DSCAM: variants seen among roughly 807,000 people sequenced by gnomAD.
The protein encoded by DSCAM is DS cell adhesion molecule, also known as cell adhesion molecule DSCAM.
In DSCAM, 47 loss-of-function variants were observed where a neutral mutation model predicts 217.7. The ratio of observed to expected loss-of-function variants is 0.22; its 90% CI spans 0.17 to 0.28. The LOEUF (loss-of-function observed/expected upper bound fraction) is 0.28. Ranked by LOEUF, DSCAM falls within the 10% of genes least tolerant of loss-of-function variation. DSCAM has a pLI of 1.00. For missense variants in DSCAM, 2,080 were observed against 2,618.3 expected (o/e 0.79, Z 4.49); for synonymous variants, 1,056 against 1,015.3 (o/e 1.04, Z -0.76).
chr21:40,385,110 A>G (rs2075069908), intron 3 of DSCAM: 1 of 152,096 alleles, frequency 6.6e-6, no homozygotes, highest in South Asian at 2.1e-4. Flanking sequence ...ACTCCCACAC[A>G]TAGCTGTGAC....
At chr21:40,104,797 C>A (rs1043338703) in intron 20 of DSCAM, among the ~76,000 whole-genome samples, 3 of 152,166 alleles carry the variant, frequency 2.0e-5, no homozygotes, top group Non-Finnish European at 4.4e-5. Context: ...GCAGTAGGGG[C>A]AGGGGCATTT....
intron 3 of DSCAM, among the ~76,000 whole-genome samples, chr21:40,387,221 A>G (rs981310826): frequency 2.0e-5 from 3 of 152,190 alleles, no homozygotes; most frequent in Non-Finnish European, 4.4e-5. Flanking sequence ...GATACTACCT[A>G]TAATTTCCCT....
intron 11 of DSCAM, among the ~76,000 whole-genome samples, chr21:40,257,115 A>G (rs1240567592): frequency 6.6e-6 from 1 of 152,220 alleles, no homozygotes; most frequent in Non-Finnish European, 1.5e-5. Flanking sequence ...AAGAGAGGAA[A>G]GAAAACAAAG....
At chr21:40,052,939 T>C (rs1381692653) in intron 29 of DSCAM, among the ~76,000 whole-genome samples, 2 of 152,186 alleles carry the variant, frequency 1.3e-5, no homozygotes, top group Admixed American at 1.3e-4. Flanking sequence ...TTCATACTTT[T>C]TAAAAAGCTT....
intron 11 of DSCAM, among the ~76,000 whole-genome samples, chr21:40,234,500 T>C (rs540478154): frequency 8.5e-5 from 13 of 152,246 alleles, no homozygotes; most frequent in African/African-American, 2.7e-4. Context: ...TTGGTAATGT[T>C]GAGTCAAGAT....
chr21:40,273,671 T>A (rs2073649426), intron 11 of DSCAM, among the ~76,000 whole-genome samples: 1 of 152,224 alleles, frequency 6.6e-6, no homozygotes, highest in African/African-American at 2.4e-5. Context: ...TGTAACAAAG[T>A]GCCATACATT....
chr21:40,575,046 G>C (rs1352817920), intron 3 of DSCAM, among the ~76,000 whole-genome samples: 1 of 152,108 alleles, frequency 6.6e-6, no homozygotes, highest in African/African-American at 2.4e-5. Flanking sequence ...AGTTACTGAA[G>C]AATCACAAAA....
At chr21:40,577,923 G>C (rs924598273) in intron 3 of DSCAM, among the ~76,000 whole-genome samples, 35 of 152,148 alleles carry the variant, frequency 2.3e-4, no homozygotes, top group African/African-American at 8.0e-4. Context: ...GATGTGCTGG[G>C]AGTCAGCTTG....
chr21:40,515,068 C>T (rs1475855898), intron 3 of DSCAM, among the ~76,000 whole-genome samples: 1 of 152,198 alleles, frequency 6.6e-6, no homozygotes, highest in Admixed American at 6.5e-5. Flanking sequence ...GTAAAGGCTA[C>T]TTCTTATTTC....
chr21:40,342,776 A>T (rs796303907), intron 6 of DSCAM, among the ~76,000 whole-genome samples: 167 of 111,054 alleles, frequency 1.5e-3, no homozygotes, highest in African/African-American at 6.0e-3. Context: ...TTGTAGAGAC[A>T]AAGTTTTGCC....
intron 1 of DSCAM, among the ~76,000 whole-genome samples, chr21:40,808,058 C>A (rs13046021): frequency 6.6e-6 from 1 of 152,066 alleles, no homozygotes; most frequent in Non-Finnish European, 1.5e-5. Flanking sequence ...ATGACCTCAA[C>A]CAAAGACGCC....
At chr21:40,256,432 GAGAGAGACAC>G (rs1205893551) in intron 11 of DSCAM, among the ~76,000 whole-genome samples, 2 of 150,622 alleles carry the variant, frequency 1.3e-5, no homozygotes, top group East Asian at 1.9e-4. Context: ...GACAGAGAGA[GAGAGAGACAC>G]ACACAGACAG....
At chr21:40,526,262 G>T (rs1311543168) in intron 3 of DSCAM, among the ~76,000 whole-genome samples, 1 of 152,166 alleles carries the variant, frequency 6.6e-6, no homozygotes, top group Non-Finnish European at 1.5e-5. Context: ...GCACTTTGCA[G>T]AACTTAGTTT....
At chr21:40,110,937 G>C (rs533368202) in intron 20 of DSCAM, among the ~76,000 whole-genome samples, 98 of 152,344 alleles carry the variant, frequency 6.4e-4, no homozygotes, top group African/African-American at 2.3e-3. Flanking sequence ...ATCTACATCT[G>C]ATTGGTGTGC....
At chr21:40,479,627 C>T (rs1315132650) in intron 3 of DSCAM, among the ~76,000 whole-genome samples, 3 of 152,158 alleles carry the variant, frequency 2.0e-5, no homozygotes, top group Admixed American at 6.5e-5. Flanking sequence ...TCTCATTACA[C>T]TTATTCACTA....
intron 1 of DSCAM, among the ~76,000 whole-genome samples, chr21:40,709,245 C>T (rs2090750895): frequency 1.3e-5 from 2 of 152,134 alleles, no homozygotes; most frequent in African/African-American, 4.8e-5. Flanking sequence ...GATCTTGTTG[C>T]TGGGATCAAA....
At chr21:40,710,594 T>C (rs2090769520) in intron 1 of DSCAM, among the ~76,000 whole-genome samples, 1 of 152,246 alleles carries the variant, frequency 6.6e-6, no homozygotes, top group Non-Finnish European at 1.5e-5. Context: ...GTTTCTCTTT[T>C]CGCTTCTACA....
chr21:40,090,129 C>G (rs944088174), intron 21 of DSCAM, among the ~76,000 whole-genome samples: 1 of 152,146 alleles, frequency 6.6e-6, no homozygotes, highest in Non-Finnish European at 1.5e-5. Context: ...ATCTGTGAAC[C>G]TACTGGCATT....
intron 5 of DSCAM, among the ~76,000 whole-genome samples, chr21:40,350,493 T>C (rs529926549): frequency 2.0e-5 from 3 of 152,284 alleles, no homozygotes; most frequent in South Asian, 4.1e-4. Context: ...AAGCTTTTTT[T>C]TACCCCAGTT....
Sources: allele counts gnomAD v4.1 joint callset (sites outside exome capture counted in the v4.1 genomes callset), GRCh38; gene constraint gnomAD v4.1.1; transcripts MANE v1.5; gene names NCBI Gene and HGNC (gene_info 2026-07-23, HGNC 2026-07-21).